Variants in CCDC7 observed in about 807,000 individuals in gnomAD.
CCDC7 encodes the protein coiled-coil domain containing 7.
In CCDC7, 183 loss-of-function variants were observed where a neutral mutation model predicts 196.9. The ratio of observed to expected loss-of-function variants is 0.93; its 90% CI spans 0.82 to 1.05. The LOEUF (loss-of-function observed/expected upper bound fraction) is 1.05, where lower values mean the gene tolerates loss of function less well. Ranked by LOEUF, CCDC7 falls within the 50% of genes least tolerant of loss-of-function variation. The pLI is 0.00. For synonymous variants in CCDC7, 525 were observed against 484.6 expected (o/e 1.08, Z -1.10); for missense variants, 1,540 against 1,482.2 (o/e 1.04, Z -0.64).
chr10:32,876,368 A>G (rs2094597871), exon 42 of CCDC7: 1 of 1,611,334 alleles, frequency 6.2e-7, no homozygotes, highest in African/African-American at 1.3e-5. Context: ...GCTGCCCGAA[A>G]ATCTGTACCA....
chr10:32,769,781 T>A (rs2078891269), intron 28 of CCDC7, among the ~76,000 whole-genome samples: 1 of 152,178 alleles, frequency 6.6e-6, no homozygotes, highest in South Asian at 2.1e-4. Context: ...GGTTTCCAGC[T>A]TTATCCATGT....
intron 21 of CCDC7, among the ~76,000 whole-genome samples, chr10:32,676,016 G>A (rs901595353): frequency 6.6e-6 from 1 of 151,608 alleles, no homozygotes; most frequent in African/African-American, 2.4e-5. Context: ...AAAAGAGCAT[G>A]GTACTGGTAC....
intron 28 of CCDC7, among the ~76,000 whole-genome samples, chr10:32,765,512 C>G (rs894814817): frequency 1.3e-5 from 2 of 151,964 alleles, no homozygotes; most frequent in Non-Finnish European, 2.9e-5. Flanking sequence ...CATTGGTTTC[C>G]TGACCTGTGG....
chr10:32,848,598 G>A (rs2093409768), exon 39 of CCDC7: 1 of 1,474,826 alleles, frequency 6.8e-7, no homozygotes. Flanking sequence ...TATTTTAGAT[G>A]TGAACTTATT....
chr10:32,657,598 G>A (rs1162448079), intron 20 of CCDC7, among the ~76,000 whole-genome samples: 1 of 152,200 alleles, frequency 6.6e-6, no homozygotes, highest in Non-Finnish European at 1.5e-5. Flanking sequence ...ACAGAGCAGG[G>A]GAACCTGGGC....
intron 18 of CCDC7, among the ~76,000 whole-genome samples, chr10:32,585,612 A>G (rs1191069408): frequency 2.0e-5 from 3 of 151,998 alleles, no homozygotes; most frequent in Admixed American, 1.3e-4. Flanking sequence ...CTTATGATTG[A>G]GAACATGTGG....
chr10:32,553,968 G>T (rs547613518), intron 13 of CCDC7, among the ~76,000 whole-genome samples: 2 of 152,158 alleles, frequency 1.3e-5, no homozygotes, highest in African/African-American at 4.8e-5. Flanking sequence ...TGTGGCTGAG[G>T]TCTGACTCCT....
At chr10:32,790,318 G>A (rs2082494634) in intron 29 of CCDC7, among the ~76,000 whole-genome samples, 1 of 152,162 alleles carries the variant, frequency 6.6e-6, no homozygotes, top group Non-Finnish European at 1.5e-5. Flanking sequence ...CTGAAATCTA[G>A]GTGGAGGAAG....
Position 32,845,726 on chromosome 10 carries a change from G to T in CCDC7, c.3520+100G>T, listed in dbSNP as rs1037986711. ...TAATGGCAATAGTACCTATATGTTGGTATTACACAGGTAAAATTCTTCATG... is the reference window on the plus strand; with the variant it reads ...TAATGGCAATAGTACCTATATGTTGTTATTACACAGGTAAAATTCTTCATG... On this transcript the variant is annotated intron_variant, in intron 35 of 41. Transcript: ENST00000639629. 3.3e-5 allele frequency: 38 copies of T among 1,164,374 alleles called. No individual in the cohort carries two copies. The South Asian group carries it at 4.9e-4, about 15-fold the overall frequency. 72.1% of individuals were successfully genotyped at this position (1,164,374 alleles called of 1,614,324 possible).
chr10:32,714,020 G>T (rs2081226438), intron 25 of CCDC7, among the ~76,000 whole-genome samples: 1 of 152,144 alleles, frequency 6.6e-6, no homozygotes, highest in South Asian at 2.1e-4. Context: ...AGCGTGGCTG[G>T]CCAGGATACT....
chr10:32,839,184 A>G (rs530201040), intron 33 of CCDC7, among the ~76,000 whole-genome samples: 7 of 152,078 alleles, frequency 4.6e-5, no homozygotes, highest in Admixed American at 3.9e-4. Flanking sequence ...CACTTAAAAG[A>G]TACAGAATGG....
At chr10:32,511,738 C>T (rs888800229) in intron 9 of CCDC7, 3 of 1,576,036 alleles carry the variant, frequency 1.9e-6, no homozygotes, top group African/African-American at 1.4e-5. Flanking sequence ...CTTCACCTGC[C>T]GTTATGGCTG....
At chr10:32,489,855 A>G (rs768877856) in intron 8 of CCDC7, among the ~76,000 whole-genome samples, 2 of 151,512 alleles carry the variant, frequency 1.3e-5, no homozygotes, top group Non-Finnish European at 2.9e-5. Context: ...ATATGGAAAG[A>G]TTGTGACTCT....
chr10:32,623,644 G>T lies in CCDC7; in HGVS notation c.1802-10610G>T, dbSNP rs892480309. On this transcript the variant is annotated intron_variant, in intron 18 of 41. Coordinates refer to ENST00000639629, the Ensembl canonical transcript of CCDC7. ...TCAGATACTGCTTTAGTCCATCTGT[G>T]TTGACATAAGGAAATACTTGAGGCT... 5 of 457,440 alleles carry T rather than the reference G, an allele frequency of 1.1e-5. No individual in the cohort carries two copies. The Middle Eastern group carries it at 2.1e-3, about 190-fold the overall frequency. 28.3% of individuals were successfully genotyped at this position (457,440 alleles called of 1,614,324 possible). A position where few individuals can be genotyped will look rare whatever the true frequency, so the allele number is the denominator to read the frequency against.
intron 41 of CCDC7, among the ~76,000 whole-genome samples, chr10:32,872,275 T>C (rs2094456814): frequency 6.6e-6 from 1 of 152,174 alleles, no homozygotes; most frequent in Non-Finnish European, 1.5e-5. Context: ...ACTTGCTTCC[T>C]GTTGAATTGA....
chr10:32,705,005 G>A (rs112772646), intron 24 of CCDC7, among the ~76,000 whole-genome samples: 8,106 of 152,156 alleles, frequency 0.053, 732 homozygotes, highest in African/African-American at 0.18. Flanking sequence ...CGCTCAGTGC[G>A]CTGCGCCCAC....
At chr10:32,601,008 T>G (rs2060940932) in intron 18 of CCDC7, among the ~76,000 whole-genome samples, 1 of 152,174 alleles carries the variant, frequency 6.6e-6, no homozygotes, top group Admixed American at 6.5e-5. Flanking sequence ...TTTTTTTTTC[T>G]TTTAGTACCT....
At chr10:32,789,825 A>G (rs2082415135) in intron 29 of CCDC7, among the ~76,000 whole-genome samples, 1 of 152,192 alleles carries the variant, frequency 6.6e-6, no homozygotes. Flanking sequence ...TGTGCTTCCA[A>G]AATACACTGG....
intron 24 of CCDC7, 24 bp from the exon 26 acceptor site, chr10:32,711,596 G>A (rs373919130): frequency 1.7e-5 from 24 of 1,400,960 alleles, no homozygotes; most frequent in Non-Finnish European, 2.4e-5. Context: ...TCTAGTAAGG[G>A]ACTAAATTTC....
Sources: allele counts gnomAD v4.1 joint callset (sites outside exome capture counted in the v4.1 genomes callset), GRCh38; gene constraint gnomAD v4.1.1; transcripts MANE v1.5; gene names NCBI Gene and HGNC (gene_info 2026-07-23, HGNC 2026-07-21).